LDLRAD3: variants seen among roughly 807,000 people sequenced by gnomAD.
The protein encoded by LDLRAD3 is low density lipoprotein receptor class A domain containing 3, also known as low-density lipoprotein receptor class A domain-containing protein 3.
LDLRAD3 carries 20 observed loss-of-function variants against 29.4 expected under a neutral mutation model. That is an observed-to-expected ratio of 0.68 (90% CI 0.48 to 0.99). LDLRAD3 has a LOEUF of 0.99. LDLRAD3 is among the 50% of genes least tolerant of loss of function. LDLRAD3 has a pLI of 0.00. For missense variants in LDLRAD3, 420 were observed against 454.3 expected, an observed-to-expected ratio of 0.92 and a Z score of 0.69; for synonymous variants, 157 against 192.7, an observed-to-expected ratio of 0.81 and a Z score of 1.53.
chr11:36,069,475 G>T (rs1565200275), intron 2 of LDLRAD3, among the ~76,000 whole-genome samples: 1 of 152,138 alleles, frequency 6.6e-6, no homozygotes, highest in Non-Finnish European at 1.5e-5. Flanking sequence ...CCACATGTCG[G>T]TTTTCACTTT....
chr11:35,955,387 A>G (rs1290018401), intron 1 of LDLRAD3, among the ~76,000 whole-genome samples: 4 of 152,254 alleles, frequency 2.6e-5, no homozygotes, highest in African/African-American at 9.6e-5. Flanking sequence ...ACATCAGTAA[A>G]TATAACATTA....
chr11:36,044,388 G>T (rs1852420923), intron 2 of LDLRAD3, among the ~76,000 whole-genome samples: 1 of 152,080 alleles, frequency 6.6e-6, no homozygotes, highest in Non-Finnish European at 1.5e-5. Context: ...GCTTGTAGCT[G>T]GTGCCTGGTG....
intron 4 of LDLRAD3, among the ~76,000 whole-genome samples, chr11:36,193,329 G>T (rs1315053527): frequency 6.6e-6 from 1 of 151,926 alleles, no homozygotes; most frequent in East Asian, 1.9e-4. Flanking sequence ...CTTTCCTTTT[G>T]TCTGGCCACC....
chr11:36,036,206 C>T lies in LDLRAD3; in HGVS notation c.150C>T (p.Asp50=), dbSNP rs189959997. The T allele has an allele frequency of 5.4e-5, 87 of 1,614,152 alleles. No homozygotes were observed. The East Asian group carries it at 1.0e-3, about 19-fold the overall frequency. The stretch of plus-strand genomic sequence containing the variant: ...GCATCCCGGGCGCCTGGCAGTGTGA[C>T]GGGCTGCCTGACTGCTTCGACAAGA... ...GRCIPGAWQC[D]GLPDCFDKSD... Residue 50 remains aspartate, a synonymous_variant, in exon 2 of 6, where the codon GAC becomes GAT. Transcript: ENST00000315571.
At chr11:36,109,237 A>G (rs576611501) in intron 4 of LDLRAD3, among the ~76,000 whole-genome samples, 1 of 152,232 alleles carries the variant, frequency 6.6e-6, no homozygotes, top group South Asian at 2.1e-4. Context: ...GGACGGGGGA[A>G]GAACAGCCTG....
intron 1 of LDLRAD3, among the ~76,000 whole-genome samples, chr11:35,957,751 G>A (rs941008952): frequency 5.5e-5 from 8 of 146,230 alleles, no homozygotes; most frequent in African/African-American, 1.8e-4. Context: ...AGCTGAGATC[G>A]TGCCATTGCG....
In LDLRAD3 at chr11:35,944,093, C is replaced by T; in HGVS notation, c.-6C>T. On this transcript the variant is annotated 5_prime_UTR_variant, in exon 1 of 6. Transcript: ENST00000315571. The surrounding 1 kb of genome is among the most constrained non-coding windows in gnomAD (Gnocchi z 4.9). ...GACGCCGGGCAGCGGGAGCGGCGGC[C>T]GCGCCATGTGGCTGCTGGGGCCGCT... 1.1e-5 allele frequency: 12 copies of T among 1,075,556 alleles called. No individual in the cohort carries two copies. Among genetic ancestry groups the T allele is most frequent in the South Asian group, 8.7e-5 (2 of 22,978 alleles). 66.6% of individuals were successfully genotyped at this position (1,075,556 alleles called of 1,614,324 possible).
chr11:36,199,201 C>A (rs1855081436), intron 4 of LDLRAD3, among the ~76,000 whole-genome samples: 2 of 152,200 alleles, frequency 1.3e-5, no homozygotes, highest in African/African-American at 4.8e-5. Context: ...CGCCCGGCCA[C>A]AGCACCTTAT....
chr11:36,177,322 A>C (rs1361927399), intron 4 of LDLRAD3, among the ~76,000 whole-genome samples: 1 of 152,108 alleles, frequency 6.6e-6, no homozygotes, highest in African/African-American at 2.4e-5. Flanking sequence ...CTGGCAGTTT[A>C]GTGATTTCTT....
rs1429213658 is a variant in LDLRAD3, at chr11:36,097,767, A to G, written c.320-560A>G. Among the ~76,000 whole-genome samples the G allele has an allele frequency of 3.3e-5, 5 of 152,320 alleles. No individual in the cohort carries two copies. In the East Asian group the frequency reaches 9.6e-4, roughly 29 times the overall value. The stretch of plus-strand genomic sequence containing the variant: ...CACCTGAATACCCTGACTTGATCAC[A>G]TCATGCATTATGTATATGTAGCAAA... On this transcript the variant is annotated intron_variant, in intron 3 of 5. Transcript: ENST00000315571.
rs950927413 is a variant in LDLRAD3 at position 35,969,638 on chromosome 11, G to A, written c.46+25494G>A. On this transcript the variant is annotated intron_variant, in intron 1 of 5. Coordinates refer to ENST00000315571, the MANE Select transcript of LDLRAD3 (RefSeq NM_174902.4). Reference sequence around the variant, plus strand: ...TGCTCAGGGTTCAGCCTCAGCATGGGCTTTAGGTGTCCATAGGCCCCGTGT... The same window carrying A: ...TGCTCAGGGTTCAGCCTCAGCATGGACTTTAGGTGTCCATAGGCCCCGTGT... 7.2e-5 allele frequency among the ~76,000 whole-genome samples: 11 copies of A among 152,340 alleles called. No homozygotes were observed. In the East Asian group the frequency reaches 2.1e-3, roughly 29 times the overall value.
intron 4 of LDLRAD3, among the ~76,000 whole-genome samples, chr11:36,174,433 C>T (rs1854642146): frequency 6.6e-6 from 1 of 152,150 alleles, no homozygotes; most frequent in Non-Finnish European, 1.5e-5. Flanking sequence ...AAGCAACCTA[C>T]AGAATGGGAG....
At chr11:35,954,795 ATAAAT>A (rs1453721864) in intron 1 of LDLRAD3, among the ~76,000 whole-genome samples, 2 of 152,240 alleles carry the variant, frequency 1.3e-5, no homozygotes, top group African/African-American at 4.8e-5. Flanking sequence ...AAATCAGGTG[ATAAAT>A]TAGATTCATT....
At chr11:36,112,320 T>C (rs1473747778) in intron 4 of LDLRAD3, among the ~76,000 whole-genome samples, 2 of 152,232 alleles carry the variant, frequency 1.3e-5, no homozygotes, top group Non-Finnish European at 2.9e-5. Flanking sequence ...GCTTATTTTT[T>C]AATTGAAGAG....
chr11:36,070,487 A>G (rs1852881003), intron 2 of LDLRAD3, among the ~76,000 whole-genome samples: 1 of 152,214 alleles, frequency 6.6e-6, no homozygotes, highest in Non-Finnish European at 1.5e-5. Flanking sequence ...TAACTCCTCT[A>G]TCTGGGGTGT....
rs1001863248 is a variant in LDLRAD3, at chr11:36,051,130, T to A, written c.193+14881T>A. On this transcript the variant is annotated intron_variant, in intron 2 of 5. Transcript: ENST00000315571. Reference sequence around the variant, plus strand: ...CCATTGCAGGGTGGAAGGACTTTCATGGAAAAAGAAAGCCTAAATATAGCC... The same window carrying A: ...CCATTGCAGGGTGGAAGGACTTTCAAGGAAAAAGAAAGCCTAAATATAGCC... Among the ~76,000 whole-genome samples the A allele has an allele frequency of 1.8e-4, 27 of 152,106 alleles. 1 individual carries two copies. The highest frequency in any genetic ancestry group is 4.4e-5 in the Non-Finnish European group (3 of 68,018).
chr11:36,172,858 A>G (rs1209665295), intron 4 of LDLRAD3, among the ~76,000 whole-genome samples: 2 of 151,934 alleles, frequency 1.3e-5, no homozygotes, highest in Non-Finnish European at 1.5e-5. Flanking sequence ...ATTTAGGGAG[A>G]ATTCTCTATT....
At chr11:36,062,906 G>T (rs1014771089) in intron 2 of LDLRAD3, among the ~76,000 whole-genome samples, 1 of 152,126 alleles carries the variant, frequency 6.6e-6, no homozygotes, top group African/African-American at 2.4e-5. Flanking sequence ...GGACTAATAC[G>T]TTGACCCACT....
At chr11:36,191,576 C>CTCTG (rs377747518) in intron 4 of LDLRAD3, among the ~76,000 whole-genome samples, 4 of 53,438 alleles carry the variant, frequency 7.5e-5, no homozygotes, top group African/African-American at 3.3e-4. Flanking sequence ...CTCTCTCTCT[C>CTCTG]TATATATATA....
Sources: allele counts gnomAD v4.1 joint callset (sites outside exome capture counted in the v4.1 genomes callset), GRCh38; gene constraint gnomAD v4.1.1; non-coding constraint Gnocchi (gnomAD v3.1); transcripts MANE v1.5; gene names NCBI Gene and HGNC (gene_info 2026-07-23, HGNC 2026-07-21).